The following DOCK3 variants were observed in gnomAD, a reference collection of about 807,000 sequenced individuals.
DOCK3 encodes dedicator of cytokinesis protein 3.
In DOCK3, 60 loss-of-function variants were observed where a neutral mutation model predicts 265.6. The ratio of observed to expected loss-of-function variants is 0.23; its 90% CI spans 0.18 to 0.28. The LOEUF (loss-of-function observed/expected upper bound fraction) is 0.28, where lower values mean the gene tolerates loss of function less well. Ranked by LOEUF, DOCK3 falls within the 10% of genes least tolerant of loss-of-function variation. DOCK3 has a pLI of 1.00. For synonymous variants in DOCK3, 881 were observed against 938.0 expected, an observed-to-expected ratio of 0.94 and a Z score of 1.11; for missense variants, 1,981 against 2,594.3, an observed-to-expected ratio of 0.76 and a Z score of 5.14.
At chr3:50,887,765 A>G (rs960431433) in intron 3 of DOCK3, among the ~76,000 whole-genome samples, 5 of 140,682 alleles carry the variant, frequency 3.6e-5, no homozygotes, top group African/African-American at 1.3e-4. Flanking sequence ...GATAAAAACC[A>G]CATGATTATC....
chr3:51,258,320 C>G (rs1489703064), intron 22 of DOCK3, among the ~76,000 whole-genome samples: 1 of 152,166 alleles, frequency 6.6e-6, no homozygotes, highest in African/African-American at 2.4e-5. Context: ...ATTTATTTTC[C>G]TGTCTTTACT....
intron 2 of DOCK3, among the ~76,000 whole-genome samples, chr3:50,820,272 C>T (rs1256887159): frequency 2.0e-5 from 3 of 152,216 alleles, no homozygotes; most frequent in Non-Finnish European, 4.4e-5. Flanking sequence ...ACCCACATGG[C>T]CTCCCAGCTA....
rs2087921647 is a variant in DOCK3 at position 51,374,359 on chromosome 3, C to G, written c.5294-110C>G. ...TGTGCTTGCTGAGTTCATCCTCACC[C>G]TAACTGTAAGGGACACCTACCCTGG... On this transcript the variant is annotated intron_variant, in intron 49 of 52. Transcript: ENST00000266037. This position sits in a 1 kb window ranked among gnomAD's most constrained non-coding sequence, Gnocchi z 4.8. The G allele has an allele frequency of 1.0e-6, 1 of 980,838 alleles. No homozygotes were observed. The highest frequency in any genetic ancestry group is 1.6e-5 in the African/African-American group (1 of 62,154). The allele number at this position is 980,838 out of a possible 1,614,324, so 60.8% of individuals were successfully genotyped here.
intron 10 of DOCK3, among the ~76,000 whole-genome samples, chr3:51,155,116 C>T (rs571508331): frequency 1.3e-5 from 2 of 152,072 alleles, no homozygotes; most frequent in South Asian, 4.2e-4. Flanking sequence ...AGTAGTGGGG[C>T]TATAGGCGCA....
chr3:50,797,676 C>T (rs1350731555), intron 2 of DOCK3, among the ~76,000 whole-genome samples: 2 of 152,168 alleles, frequency 1.3e-5, no homozygotes, highest in African/African-American at 4.8e-5. Context: ...TGCATCCTTG[C>T]CAGCATTTGT....
intron 18 of DOCK3, 136 bp from the exon 19 acceptor site, chr3:51,229,376 G>A (rs1180198680): frequency 2.1e-5 from 10 of 481,322 alleles, no homozygotes; most frequent in South Asian, 1.0e-4. Context: ...ACTTGAATTC[G>A]GGAGGCGGAG....
Position 51,350,374 on chromosome 3 carries a change from G to A in DOCK3, c.4089G>A (p.Lys1363=), listed in dbSNP as rs143336219. ...EFFRVGFYGR[K]FPFFLRNKEY... ...TTCGGGTCGGCTTCTATGGCAGGAA[G>A]TTTCCTTTCTTTCTTCGGGTGAGTC... The change falls in exon 40 of 53, where the codon AAG becomes AAA. Residue 1363 remains lysine (K), a synonymous_variant. Coordinates refer to ENST00000266037, the MANE Select transcript of DOCK3 (RefSeq NM_004947.5). 4.9e-4 allele frequency: 791 copies of A among 1,612,350 alleles called. 5 individuals are homozygous for A. In the African/African-American group the frequency reaches 8.5e-3, roughly 17 times the overall value.
intron 12 of DOCK3, among the ~76,000 whole-genome samples, chr3:51,171,853 A>G (rs191217971): frequency 1.3e-5 from 2 of 152,214 alleles, no homozygotes; most frequent in Non-Finnish European, 1.5e-5. Flanking sequence ...CTTGGTTTAC[A>G]CTGTTACTCA....
intron 6 of DOCK3, among the ~76,000 whole-genome samples, chr3:51,068,560 A>AAGAAGAAG (rs1553750777): frequency 2.4e-5 from 2 of 82,460 alleles, no homozygotes; most frequent in African/African-American, 9.1e-5. Context: ...AAAAAAAAAA[A>AAGAAGAAG]AAGAAGAAGA....
chr3:51,354,953 G>A lies in DOCK3; in HGVS notation c.4179G>A (p.Glu1393=), dbSNP rs1316714575. Residue 1393 remains glutamate, a synonymous_variant, in exon 41 of 53, where the codon GAG becomes GAA. Coordinates refer to ENST00000266037, the MANE Select transcript of DOCK3 (RefSeq NM_004947.5). The part of the protein sequence containing the change: ...LEAFQQRMLS[E]FPQAVAMQHP... ...CCTTCCAGCAGAGGATGCTCAGTGA[G>A]TTTCCGCAGGCTGTCGCCATGCAGC... 6.2e-7 allele frequency: 1 copy of A among 1,613,832 alleles called. No individual in the cohort carries two copies. Among genetic ancestry groups the A allele is most frequent in the Non-Finnish European group, 8.5e-7 (1 of 1,179,876 alleles).
intron 5 of DOCK3, among the ~76,000 whole-genome samples, chr3:51,059,724 A>T (rs1274086080): frequency 6.6e-6 from 1 of 152,054 alleles, no homozygotes; most frequent in Non-Finnish European, 1.5e-5. Context: ...TAGTTCTCTT[A>T]TTACCAGATC....
At chr3:50,903,744 C>G (rs2049322214) in intron 4 of DOCK3, among the ~76,000 whole-genome samples, 1 of 151,680 alleles carries the variant, frequency 6.6e-6, no homozygotes, top group Admixed American at 6.6e-5. Context: ...GAAATGGTAC[C>G]AGCTCTTTTT....
chr3:51,105,716 G>A (rs1014035570), intron 9 of DOCK3, among the ~76,000 whole-genome samples: 1 of 152,162 alleles, frequency 6.6e-6, no homozygotes, highest in Non-Finnish European at 1.5e-5. Flanking sequence ...ATTTCCCACT[G>A]ACATCCCGAC....
At chr3:51,044,300 C>T (rs1035551130) in intron 5 of DOCK3, among the ~76,000 whole-genome samples, 1 of 152,020 alleles carries the variant, frequency 6.6e-6, no homozygotes. Context: ...AGCTGGAGGC[C>T]ATTATCCTTA....
chr3:50,736,588 C>T (rs1360066464), intron 1 of DOCK3, among the ~76,000 whole-genome samples: 3 of 152,100 alleles, frequency 2.0e-5, no homozygotes, highest in Admixed American at 6.5e-5. Context: ...TTAATGATTG[C>T]CATTCTAACT....
chr3:50,693,693 AC>A (rs2035411569), intron 1 of DOCK3, among the ~76,000 whole-genome samples: 1 of 150,730 alleles, frequency 6.6e-6, no homozygotes, highest in Admixed American at 6.6e-5. Context: ...CTGCCACCAC[AC>A]CTGGCTAGTT....
chr3:50,713,963 G>T (rs1322810389), intron 1 of DOCK3, among the ~76,000 whole-genome samples: 1 of 152,028 alleles, frequency 6.6e-6, no homozygotes, highest in African/African-American at 2.4e-5. Context: ...GCTGGATCAG[G>T]TTTTTTATTT....
chr3:50,879,692 A>T (rs2047924331), intron 3 of DOCK3, among the ~76,000 whole-genome samples: 1 of 152,218 alleles, frequency 6.6e-6, no homozygotes, highest in Non-Finnish European at 1.5e-5. Flanking sequence ...GAGACTTTTA[A>T]CACCCCACTG....
intron 14 of DOCK3, among the ~76,000 whole-genome samples, chr3:51,221,383 T>C (rs1316277695): frequency 1.3e-5 from 2 of 152,160 alleles, no homozygotes; most frequent in Non-Finnish European, 2.9e-5. Context: ...ATGGGCCAAA[T>C]CCAGCCAACA....
Sources: gnomAD v4.1 joint callset for allele counts (sites outside exome capture counted in the v4.1 genomes callset) on GRCh38, gnomAD v4.1.1 for gene constraint, Gnocchi (gnomAD v3.1) non-coding constraint, MANE v1.5 for transcripts, NCBI Gene and HGNC (gene_info 2026-07-23, HGNC 2026-07-21) for gene names.